MRE11: variants seen among roughly 807,000 people sequenced by gnomAD.
MRE11 encodes the protein double-strand break repair protein MRE11.
MRE11 carries 62 observed loss-of-function variants against 91.7 expected under a neutral mutation model. That is an observed-to-expected ratio of 0.68 (90% CI 0.55 to 0.84). The LOEUF is 0.84. Ranked by LOEUF, MRE11 falls within the 40% of genes least tolerant of loss-of-function variation. The probability of loss-of-function intolerance (pLI) is 0.00; values close to 1 mark genes in which losing one functional copy is unlikely to be tolerated. For missense variants in MRE11, 796 were observed against 852.9 expected (o/e 0.93, Z 0.83); for synonymous variants, 273 against 271.4 (o/e 1.01, Z -0.06).
intron 7 of MRE11, chr11:94,475,632 T>A (rs1290574731): frequency 4.4e-6 from 2 of 455,672 alleles, no homozygotes; most frequent in Non-Finnish European, 8.8e-6. Context: ...GCCAACAGAT[T>A]AAATTTCTTA....
chr11:94,508,888 A>G, the MRE11 span, among the ~76,000 whole-genome samples: 1 of 151,122 alleles, frequency 6.6e-6, no homozygotes, highest in East Asian at 1.9e-4. Flanking sequence ...CAGCCTCCCC[A>G]GTAGCTGGGA....
intron 19 of MRE11, among the ~76,000 whole-genome samples, chr11:94,428,211 A>G (rs906346728): frequency 2.0e-5 from 3 of 152,238 alleles, no homozygotes; most frequent in African/African-American, 7.2e-5. Flanking sequence ...CCAATGGAAC[A>G]GAACAGAGAA....
chr11:94,438,287 C>T (rs1187469884), intron 16 of MRE11, among the ~76,000 whole-genome samples: 4 of 152,144 alleles, frequency 2.6e-5, no homozygotes, highest in Non-Finnish European at 5.9e-5. Context: ...CAAACAAATA[C>T]TCAAAAAATC....
chr11:94,511,184 TATATATATAG>T, the MRE11 span, among the ~76,000 whole-genome samples: 1 of 148,846 alleles, frequency 6.7e-6, no homozygotes, highest in South Asian at 2.1e-4. Flanking sequence ...GCTCTCTCTC[TATATATATAG>T]ATAGATATAG....
rs557465074 is a variant in MRE11 at position 94,451,121 on chromosome 11, T to C, written c.1564-3683A>G. ...GCAACATAACGAGACTCCGTCTATA[T>C]AAAAAAAAAAATTAAAAATTAGCTG... On this transcript the variant is annotated intron_variant, in intron 14 of 19. Transcript: ENST00000323929. Among the ~76,000 whole-genome samples, 5 of 139,562 alleles carry C rather than the reference T, an allele frequency of 3.6e-5. No homozygotes were observed. The South Asian group carries it at 6.7e-4, about 19-fold the overall frequency. 91.6% of individuals were successfully genotyped at this position (139,562 alleles called of 152,430 possible).
the MRE11 span, among the ~76,000 whole-genome samples, chr11:94,505,433 A>C: frequency 6.6e-6 from 1 of 152,208 alleles, no homozygotes; most frequent in Non-Finnish European, 1.5e-5. Flanking sequence ...TTAACAAAAA[A>C]GTTTAAAATT....
chr11:94,440,930 C>G (rs1385630284), intron 16 of MRE11, among the ~76,000 whole-genome samples: 1 of 152,162 alleles, frequency 6.6e-6, no homozygotes, highest in Non-Finnish European at 1.5e-5. Context: ...AGGGGGTTGC[C>G]TCTAGAGATA....
At chr11:94,421,662 T>G (rs1445663115) in intron 19 of MRE11, among the ~76,000 whole-genome samples, 1 of 152,158 alleles carries the variant, frequency 6.6e-6, no homozygotes, top group Non-Finnish European at 1.5e-5. Context: ...CTGAGTTGAG[T>G]CCTCTCAAGC....
Position 94,467,002 on chromosome 11 carries a change from T to C in MRE11, c.1098+811A>G, listed in dbSNP as rs558395074. ...GGACGGATACAAATAACTCAGAGAA[T>C]GCCCAAGAGTAATTCAGCAAGATGA... is the stretch of plus-strand genomic sequence containing the variant. On this transcript the variant is annotated intron_variant, in intron 10 of 19. Coordinates refer to ENST00000323929, the MANE Select transcript of MRE11 (RefSeq NM_005591.4). Among the ~76,000 whole-genome samples, 3 of 152,288 alleles carry C rather than the reference T, an allele frequency of 2.0e-5. No homozygotes were observed. In the East Asian group the frequency reaches 5.8e-4, roughly 29 times the overall value.
chr11:94,434,200 T>C (rs1591639011), intron 18 of MRE11, among the ~76,000 whole-genome samples: 1 of 152,130 alleles, frequency 6.6e-6, no homozygotes, highest in African/African-American at 2.4e-5. Flanking sequence ...TATCTTTCTA[T>C]CCCCAGAACC....
chr11:94,479,070 C>A (rs1003272601), intron 5 of MRE11, among the ~76,000 whole-genome samples, 194 bp from the exon 6 acceptor site: 2 of 152,296 alleles, frequency 1.3e-5, no homozygotes, highest in African/African-American at 4.8e-5. Flanking sequence ...CCTACAGCAA[C>A]TGGAATCACA....
intron 3 of MRE11, among the ~76,000 whole-genome samples, chr11:94,490,163 AT>A (rs1947249608): frequency 6.6e-6 from 1 of 152,216 alleles, no homozygotes; most frequent in South Asian, 2.1e-4. Context: ...TGAAGTCCTC[AT>A]TAATGCAGCT....
intron 19 of MRE11, among the ~76,000 whole-genome samples, chr11:94,424,865 A>G (rs761268526): frequency 6.6e-6 from 1 of 152,186 alleles, no homozygotes; most frequent in Non-Finnish European, 1.5e-5. Flanking sequence ...AAAGAGGCAA[A>G]ACCTATGACT....
chr11:94,512,391 C>A, the MRE11 span: 1 of 890,220 alleles, frequency 1.1e-6, no homozygotes. Context: ...CGCGGAATAC[C>A]TAGGGCCTCG....
intron 16 of MRE11, among the ~76,000 whole-genome samples, chr11:94,443,221 T>C (rs1945834352): frequency 6.6e-6 from 1 of 152,220 alleles, no homozygotes; most frequent in South Asian, 2.1e-4. Flanking sequence ...AATTATTCTA[T>C]GGAGAACTAG....
chr11:94,502,740 C>G, the MRE11 span, among the ~76,000 whole-genome samples: 6 of 152,248 alleles, frequency 3.9e-5, no homozygotes, highest in South Asian at 1.2e-3. Context: ...CTGGCATGAT[C>G]TCAGCTCACT....
the MRE11 span, among the ~76,000 whole-genome samples, chr11:94,507,650 T>C: frequency 1.3e-5 from 2 of 151,984 alleles, no homozygotes; most frequent in Non-Finnish European, 2.9e-5. Context: ...TTTGTTGATT[T>C]TCATTTCATT....
chr11:94,470,564 G>GA lies in MRE11; in HGVS notation c.923dup (p.Met309HisfsTer8), dbSNP rs587781828. 6.2e-7 allele frequency: 1 copy of GA among 1,613,300 alleles called. No homozygotes were observed. ...GATTAGCTAGAACAATATCCTCCAT[G>GA]AAAAACTGCCGCACTGTGTGAAGAG... On this transcript the variant is annotated frameshift_variant, in exon 9 of 20. Transcript: ENST00000323929. LOFTEE classifies it high-confidence loss of function.
At chr11:94,488,748 C>T (rs1047806461) in intron 3 of MRE11, among the ~76,000 whole-genome samples, 2 of 152,014 alleles carry the variant, frequency 1.3e-5, no homozygotes, top group Non-Finnish European at 2.9e-5. Flanking sequence ...GATGAGAAGA[C>T]ATGGACACAA....
Sources: allele counts gnomAD v4.1 joint callset (sites outside exome capture counted in the v4.1 genomes callset), GRCh38; gene constraint gnomAD v4.1.1; transcripts MANE v1.5; gene names NCBI Gene and HGNC (gene_info 2026-07-23, HGNC 2026-07-21).